Variants in EXOC4 observed in about 807,000 individuals in gnomAD.
The protein encoded by EXOC4 is SEC8-like 1.
In EXOC4, 71 loss-of-function variants were observed where a neutral mutation model predicts 107.2. The ratio of observed to expected loss-of-function variants is 0.66; its 90% CI spans 0.55 to 0.81. The LOEUF (loss-of-function observed/expected upper bound fraction) is 0.81, where lower values mean the gene tolerates loss of function less well. EXOC4 is among the 30% of genes least tolerant of loss of function. The pLI, the probability that EXOC4 is intolerant of heterozygous loss-of-function variation, is 0.00. For missense variants in EXOC4, 1,108 were observed against 1,189.6 expected (o/e 0.93, Z 1.01); for synonymous variants, 456 against 441.2 (o/e 1.03, Z -0.42).
Position 133,867,366 on chromosome 7 carries a change from A to G in EXOC4, c.1735-28233A>G, listed in dbSNP as rs1300386841. On this transcript the variant is annotated intron_variant, in intron 11 of 17. Transcript: ENST00000253861. ...TTAAACACAGTAGTCAGTACTCAGT[A>G]AATGTTCAAGTTTGTTCTCATTACC... Among the ~76,000 whole-genome samples the G allele has an allele frequency of 2.6e-5, 4 of 152,250 alleles. No individual in the cohort carries two copies. In the East Asian group the frequency reaches 7.7e-4, roughly 29 times the overall value.
At chr7:133,746,940 G>T (rs929092038) in intron 10 of EXOC4, among the ~76,000 whole-genome samples, 2 of 152,100 alleles carry the variant, frequency 1.3e-5, no homozygotes, top group African/African-American at 4.8e-5. Flanking sequence ...AACAGGAGAT[G>T]AGAGAAAGAG....
At chr7:133,842,988 C>G (rs1390986189) in intron 11 of EXOC4, among the ~76,000 whole-genome samples, 1 of 151,956 alleles carries the variant, frequency 6.6e-6, no homozygotes, top group Non-Finnish European at 1.5e-5. Context: ...TATTTCTGCT[C>G]TCTAATAGGG....
At chr7:133,411,372 T>C (rs1266520525) in intron 7 of EXOC4, among the ~76,000 whole-genome samples, 3 of 152,170 alleles carry the variant, frequency 2.0e-5, no homozygotes, top group African/African-American at 7.2e-5. Context: ...ATTCTGTAGA[T>C]CATAGATCCT....
intron 14 of EXOC4, among the ~76,000 whole-genome samples, chr7:133,983,678 GC>G (rs1439086976): frequency 1.3e-5 from 2 of 151,856 alleles, no homozygotes; most frequent in Admixed American, 1.3e-4. Flanking sequence ...TAATATTTTT[GC>G]CTCTAAAATT....
At chr7:133,345,590 C>T (rs544701632) in intron 5 of EXOC4, among the ~76,000 whole-genome samples, 6 of 152,210 alleles carry the variant, frequency 3.9e-5, no homozygotes, top group African/African-American at 1.4e-4. Flanking sequence ...ACATTAAGTG[C>T]TATCTCTTGA....
intron 5 of EXOC4, among the ~76,000 whole-genome samples, chr7:133,335,413 A>G (rs1168478791): frequency 6.6e-6 from 1 of 152,046 alleles, no homozygotes. Context: ...GTTTCTATTA[A>G]TTTGACTACT....
chr7:133,924,208 A>G (rs1227991524), intron 13 of EXOC4, among the ~76,000 whole-genome samples: 4 of 152,246 alleles, frequency 2.6e-5, no homozygotes, highest in African/African-American at 7.2e-5. Flanking sequence ...TCATCTAACT[A>G]CAGCTGTCAA....
chr7:133,703,006 A>G (rs1794698511), intron 10 of EXOC4, among the ~76,000 whole-genome samples: 2 of 152,224 alleles, frequency 1.3e-5, no homozygotes, highest in Admixed American at 6.5e-5. Context: ...CTCATTATCA[A>G]TGTTAAATTT....
At chr7:133,474,442 G>A (rs1173540995) in intron 7 of EXOC4, among the ~76,000 whole-genome samples, 1 of 151,788 alleles carries the variant, frequency 6.6e-6, no homozygotes, top group Non-Finnish European at 1.5e-5. Context: ...CAAGTAGCTG[G>A]GACTACAGGT....
At chr7:134,052,819 G>C (rs1418157062) in intron 17 of EXOC4, among the ~76,000 whole-genome samples, 1 of 152,184 alleles carries the variant, frequency 6.6e-6, no homozygotes, top group African/African-American at 2.4e-5. Context: ...AGCTGAGAAG[G>C]ATTACAGATC....
At chr7:133,435,721 C>T (rs1422473363) in intron 7 of EXOC4, among the ~76,000 whole-genome samples, 2 of 152,070 alleles carry the variant, frequency 1.3e-5, no homozygotes, top group Non-Finnish European at 2.9e-5. Context: ...TCCCATCCAT[C>T]TGTATTTGTG....
At chr7:133,703,632 CT>C (rs1260705527) in intron 10 of EXOC4, among the ~76,000 whole-genome samples, 2 of 152,188 alleles carry the variant, frequency 1.3e-5, no homozygotes, top group African/African-American at 2.4e-5. Context: ...AAAATCACTC[CT>C]TGAAAACTGT....
At chr7:133,293,394 C>A (rs1049565411) in intron 3 of EXOC4, among the ~76,000 whole-genome samples, 1 of 152,122 alleles carries the variant, frequency 6.6e-6, no homozygotes, top group Non-Finnish European at 1.5e-5. Flanking sequence ...GGGTCCAAAT[C>A]GAAATCTTTG....
At chr7:134,002,071 A>T (rs181973150) in intron 15 of EXOC4, among the ~76,000 whole-genome samples, 29 of 152,328 alleles carry the variant, frequency 1.9e-4, no homozygotes, top group Admixed American at 1.7e-3. Flanking sequence ...GTCAACTTTC[A>T]TTCTGTCAGA....
chr7:133,569,427 C>T (rs1308846086), intron 9 of EXOC4, among the ~76,000 whole-genome samples: 1 of 152,098 alleles, frequency 6.6e-6, no homozygotes, highest in Non-Finnish European at 1.5e-5. Context: ...TGTAAGTTGA[C>T]ATAATCTTTA....
intron 7 of EXOC4, among the ~76,000 whole-genome samples, chr7:133,388,950 G>A (rs946920130): frequency 3.3e-5 from 5 of 152,084 alleles, no homozygotes; most frequent in Admixed American, 1.3e-4. Context: ...AGCGTCATTT[G>A]CTATTTATTT....
At chr7:133,417,082 G>C (rs1018058842) in intron 7 of EXOC4, among the ~76,000 whole-genome samples, 6 of 152,214 alleles carry the variant, frequency 3.9e-5, no homozygotes, top group Non-Finnish European at 7.3e-5. Context: ...TGGAAGCTGG[G>C]AATGAAGAAT....
chr7:133,388,504 G>T (rs952659806), intron 7 of EXOC4, among the ~76,000 whole-genome samples: 1 of 152,092 alleles, frequency 6.6e-6, no homozygotes, highest in Non-Finnish European at 1.5e-5. Flanking sequence ...ACAAAAATTA[G>T]CCAGGAATGG....
chr7:133,732,330 C>T (rs570805118), intron 10 of EXOC4, among the ~76,000 whole-genome samples: 30 of 152,238 alleles, frequency 2.0e-4, no homozygotes, highest in South Asian at 1.7e-3. Context: ...GCTAAGCATG[C>T]GGGGCTTAAT....
Sources: allele counts gnomAD v4.1 joint callset (sites outside exome capture counted in the v4.1 genomes callset), GRCh38; gene constraint gnomAD v4.1.1; transcripts MANE v1.5; gene names NCBI Gene and HGNC (gene_info 2026-07-23, HGNC 2026-07-21).